DLL3: variants seen among roughly 807,000 people sequenced by gnomAD.
DLL3 encodes delta-like protein 3.
DLL3 carries 49 observed loss-of-function variants against 55.0 expected under a neutral mutation model. The ratio of observed to expected loss-of-function variants is 0.89; its 90% CI spans 0.71 to 1.13. The LOEUF is 1.13. Ranked by LOEUF, DLL3 falls within the 50% of genes most tolerant of loss-of-function variation. The pLI is 0.00. For missense variants in DLL3, 962 were observed against 875.5 expected (o/e 1.10, Z -1.25); for synonymous variants, 421 against 385.2 (o/e 1.09, Z -1.09).
intron 3 of DLL3, among the ~76,000 whole-genome samples, chr19:39,502,391 T>C (rs932098236): frequency 6.6e-6 from 1 of 151,228 alleles, no homozygotes; most frequent in African/African-American, 2.4e-5. Context: ...GCCTCCCGAG[T>C]AGATGGGATT....
chr19:39,507,923 G>GC lies in DLL3; in HGVS notation c.1758+13dup. 1 of 1,613,990 alleles carries GC rather than the reference G, an allele frequency of 6.2e-7. No individual in the cohort carries two copies. The highest frequency in any genetic ancestry group is 8.5e-7 in the Non-Finnish European group (1 of 1,179,998). On this transcript the variant is annotated intron_variant, in intron 8 of 8. Transcript: ENST00000356433. ...CCATCTACGCTCGGGAGGTAGCGAC[G>GC]CCCCTTTTCCCCCCGCTACACACTG...
chr19:39,506,942 A>T, intron 6 of DLL3, 97 bp from the exon 7 acceptor site: 1 of 1,306,416 alleles, frequency 7.7e-7, no homozygotes, highest in South Asian at 1.3e-5. Flanking sequence ...AGAGAGAAAA[A>T]GGGGACCCCG....
chr19:39,500,960 AG>A (rs1175814089), intron 3 of DLL3, among the ~76,000 whole-genome samples: 1 of 151,888 alleles, frequency 6.6e-6, no homozygotes, highest in African/African-American at 2.4e-5. Context: ...TTGAGAGCTC[AG>A]GGTGCGATAT....
rs917121840 is a variant in DLL3, at chr19:39,507,244, C to T, written c.1299C>T (p.Cys433=). ...GRDCRERADP[C]AARPCAHGGR... ...ACTGCCGCGAGCGCGCGGACCCGTG[C>T]GCCGCGCGCCCCTGTGCTCACGGCG... The change falls in exon 7 of 9, where the codon TGC becomes TGT. Residue 433 remains cysteine, a synonymous_variant. Transcript: ENST00000356433. 1.3e-6 allele frequency: 2 copies of T among 1,500,310 alleles called. No individual in the cohort carries two copies. The highest frequency in any genetic ancestry group is 2.1e-5 in the Admixed American group (1 of 47,338). 92.9% of individuals were successfully genotyped at this position (1,500,310 alleles called of 1,614,324 possible). A position where few individuals can be genotyped will look rare whatever the true frequency, so the allele number is the denominator to read the frequency against.
At chr19:39,502,251 G>A (rs2079613753) in intron 3 of DLL3, among the ~76,000 whole-genome samples, 1 of 147,638 alleles carries the variant, frequency 6.8e-6, no homozygotes, top group Non-Finnish European at 1.5e-5. Context: ...GTTTCTATGA[G>A]ATAACTGTTT....
chr19:39,499,265 C>A lies in DLL3; in HGVS notation c.143C>A (p.Ser48Tyr). 6.5e-7 allele frequency: 1 copy of A among 1,542,640 alleles called. No individual in the cohort carries two copies. Among genetic ancestry groups the A allele is most frequent in the Non-Finnish European group, 8.7e-7 (1 of 1,148,540 alleles). Residue 48 changes from serine (S) to tyrosine (Y), a missense_variant, in exon 2 of 9, where the codon TCC becomes TAC. By Grantham distance (144) the Ser-to-Tyr change is moderately radical. Coordinates refer to ENST00000356433, the MANE Select transcript of DLL3 (RefSeq NM_203486.3). The part of the protein sequence containing the change: ...GPGPGPGAPR[S>Y]PCSARLPCRL... Reference sequence around the variant, plus strand: ...GGTCCAGGCCCTGGGGCCCCGCGGTCCCCCTGCAGCGCCCGGCTCCCCTGC... The same window carrying A: ...GGTCCAGGCCCTGGGGCCCCGCGGTACCCCTGCAGCGCCCGGCTCCCCTGC...
At chr19:39,506,900 C>A in intron 6 of DLL3, 139 bp from the exon 7 acceptor site, 1 of 839,604 alleles carries the variant, frequency 1.2e-6, no homozygotes, top group Non-Finnish European at 1.7e-6. Context: ...GCTGGCTTTC[C>A]TGGCACACTC....
rs533438084 is a variant in DLL3, at chr19:39,499,000, T to A, written c.26T>A (p.Leu9His). ...ATGGTCTCCCCACGGATGTCCGGGCTCCTCTCCCAGACTGTGATCCTAGCG... is the reference window on the plus strand; with the variant it reads ...ATGGTCTCCCCACGGATGTCCGGGCACCTCTCCCAGACTGTGATCCTAGCG... MVSPRMSG[L>H]LSQTVILALI... The change falls in exon 1 of 9, where the codon CTC becomes CAC. Residue 9 changes from leucine to histidine, a missense_variant. Leu to His is a moderately conservative substitution (Grantham distance 99, BLOSUM62 -3). Coordinates refer to ENST00000356433, the MANE Select transcript of DLL3 (RefSeq NM_203486.3). The A allele has an allele frequency of 1.9e-5, 31 of 1,613,482 alleles. 1 individual carries two copies. The South Asian group carries it at 3.3e-4, about 17-fold the overall frequency.
rs2079652257 is a variant in DLL3 at position 39,507,611 on chromosome 19, G to A, written c.1666G>A (p.Gly556Ser). The A allele has an allele frequency of 1.2e-6, 2 of 1,606,656 alleles. No homozygotes were observed. Among genetic ancestry groups the A allele is most frequent in the Non-Finnish European group, 1.7e-6 (2 of 1,177,208 alleles). The change falls in exon 7 of 9, where the codon GGT (glycine) becomes AGT (serine). Residue 556 changes from glycine to serine, a missense_variant. By Grantham distance (56) the Gly-to-Ser change is moderately conservative (BLOSUM62 0). Transcript: ENST00000356433. ...AAGGACGCAGGAGGGTTCCGGGGAT[G>A]GTCCGAGGTGAGGGGCTGCGCCACA... ...NLRTQEGSGD[G>S]PSSSVDWNRP... is the part of the protein sequence containing the mutation.
Position 39,499,256 on chromosome 19 carries a change from C to T in DLL3, c.134C>T (p.Ala45Val). The T allele has an allele frequency of 1.3e-6, 2 of 1,543,332 alleles. No homozygotes were observed. Among genetic ancestry groups the T allele is most frequent in the Non-Finnish European group, 1.7e-6 (2 of 1,149,068 alleles). Residue 45 changes from alanine (A) to valine (V), a missense_variant, in exon 2 of 9, where the codon GCC becomes GTC. Ala to Val is a moderately conservative substitution (Grantham distance 64). Coordinates refer to ENST00000356433, the MANE Select transcript of DLL3 (RefSeq NM_203486.3). ...HSFGPGPGPG[A>V]PRSPCSARLP... ...TTCGGGCCGGGTCCAGGCCCTGGGG[C>T]CCCGCGGTCCCCCTGCAGCGCCCGG...
At chr19:39,506,430 T>A (rs1326842417) in intron 6 of DLL3, among the ~76,000 whole-genome samples, 6 of 150,026 alleles carry the variant, frequency 4.0e-5, no homozygotes, top group Non-Finnish European at 8.9e-5. Context: ...TGCGAGTGAA[T>A]ACAATAATTC....
At chr19:39,504,947 G>A (rs2079631385) in intron 5 of DLL3, among the ~76,000 whole-genome samples, 1 of 152,138 alleles carries the variant, frequency 6.6e-6, no homozygotes, top group Non-Finnish European at 1.5e-5. Flanking sequence ...GTAGACAGAA[G>A]CGAGCAGGGC....
Position 39,505,452 on chromosome 19 carries a change from G to A in DLL3, c.1093+1G>A, listed in dbSNP as rs777748147. On this transcript the variant is annotated splice_donor_variant, in intron 6 of 8. Transcript: ENST00000356433. LOFTEE classifies it high-confidence loss of function. Reference sequence around the variant, plus strand: ...TGCAGCCTGCAGCCATGCCGCAATGGTGAGGCCTGGAGGCCTGAACGGCGA... The same window carrying A: ...TGCAGCCTGCAGCCATGCCGCAATGATGAGGCCTGGAGGCCTGAACGGCGA... 1 of 1,614,070 alleles carries A rather than the reference G, an allele frequency of 6.2e-7. No homozygotes were observed. The highest frequency in any genetic ancestry group is 8.5e-7 in the Non-Finnish European group (1 of 1,180,000).
intron 4 of DLL3, 59 bp from the exon 5 acceptor site, chr19:39,504,012 G>C: frequency 6.4e-7 from 1 of 1,554,838 alleles, no homozygotes; most frequent in African/African-American, 1.4e-5. Context: ...TTTCCATCTT[G>C]TCCCTGGCCC....
Position 39,499,493 on chromosome 19 carries a change from G to A in DLL3, c.351+20G>A. On this transcript the variant is annotated intron_variant, in intron 2 of 8. Coordinates refer to ENST00000356433, the MANE Select transcript of DLL3 (RefSeq NM_203486.3). ...TGGCCTGTAAGTGCTGCCCCCGGGG[G>A]ACTCCCGGTGCTGGAGGCCTAACCC... 1.3e-6 allele frequency: 2 copies of A among 1,577,850 alleles called. No homozygotes were observed. Among genetic ancestry groups the A allele is most frequent in the South Asian group, 2.3e-5 (2 of 87,658 alleles).
rs1405040146 is a variant in DLL3 at position 39,507,887 on chromosome 19, A to T, written c.1731A>T (p.Ile577=). The T allele has an allele frequency of 6.2e-7, 1 of 1,614,136 alleles. No individual in the cohort carries two copies. The highest frequency in any genetic ancestry group is 8.5e-7 in the Non-Finnish European group (1 of 1,180,038). Reference sequence around the variant, plus strand: ...TAGACCCTCAAGGGATTTATGTCATATCTGCTCCTTCCATCTACGCTCGGG... The same window carrying T: ...TAGACCCTCAAGGGATTTATGTCATTTCTGCTCCTTCCATCTACGCTCGGG... ...EDVDPQGIYV[I]SAPSIYAREA The change falls in exon 8 of 9, where the codon ATA becomes ATT. Residue 577 remains isoleucine, a synonymous_variant. Transcript: ENST00000356433.
intron 6 of DLL3, among the ~76,000 whole-genome samples, chr19:39,506,542 A>G (rs1349269872): frequency 6.6e-6 from 1 of 152,084 alleles, no homozygotes; most frequent in Non-Finnish European, 1.5e-5. Context: ...ACCAGCCCAG[A>G]GGGGAAGACA....
intron 5 of DLL3, among the ~76,000 whole-genome samples, 155 bp from the exon 6 acceptor site, chr19:39,505,074 G>T (rs1227598230): frequency 1.3e-5 from 2 of 152,144 alleles, no homozygotes; most frequent in Non-Finnish European, 2.9e-5. Context: ...ATGTGGAGTG[G>T]ATCGAGGGGA....
At position 39,507,325 on chromosome 19, in the gene DLL3, G is replaced by T. The variant is rs1256050808; in HGVS notation, c.1380G>T (p.Met460Ile). 6.4e-7 allele frequency: 1 copy of T among 1,566,986 alleles called. No individual in the cohort carries two copies. Residue 460 changes from methionine to isoleucine, a missense_variant, in exon 7 of 9, where the codon ATG (methionine) becomes ATT (isoleucine). Physicochemically the swap from Met to Ile is conservative, Grantham distance 10. Coordinates refer to ENST00000356433, the MANE Select transcript of DLL3 (RefSeq NM_203486.3). ...TCTGCGCTTGCGCTCCCGGCTACAT[G>T]GGAGCGCGGTGTGAGTTCCCAGTGC... ...GLVCACAPGY[M>I]GARCEFPVHP...
Sources: gnomAD v4.1 joint callset for allele counts (sites outside exome capture counted in the v4.1 genomes callset) on GRCh38, gnomAD v4.1.1 for gene constraint, MANE v1.5 for transcripts, NCBI Gene and HGNC (gene_info 2026-07-23, HGNC 2026-07-21) for gene names.